KCNJ6: variants seen among roughly 807,000 people sequenced by gnomAD.
KCNJ6 encodes the protein G protein-activated inward rectifier potassium channel 2.
In KCNJ6, 9 loss-of-function variants were observed where a neutral mutation model predicts 34.2. The ratio of observed to expected loss-of-function variants is 0.26; its 90% CI spans 0.16 to 0.46. KCNJ6 has a LOEUF of 0.46. KCNJ6 is among the 20% of genes least tolerant of loss of function. The probability of loss-of-function intolerance (pLI) is 1.00; values close to 1 mark genes in which losing one functional copy is unlikely to be tolerated. For synonymous variants in KCNJ6, 196 were observed against 207.1 expected (o/e 0.95, Z 0.46); for missense variants, 236 against 531.3 (o/e 0.44, Z 5.46).
chr21:37,839,171 T>A (rs1315941560), intron 2 of KCNJ6, among the ~76,000 whole-genome samples: 2 of 152,176 alleles, frequency 1.3e-5, no homozygotes, highest in Non-Finnish European at 2.9e-5. Context: ...ACAACCAGTT[T>A]GGGGTTTTTC....
intron 2 of KCNJ6, among the ~76,000 whole-genome samples, chr21:37,800,556 T>G (rs1339920422): frequency 6.6e-6 from 1 of 152,198 alleles, no homozygotes; most frequent in Non-Finnish European, 1.5e-5. Context: ...AAATCCACAT[T>G]AGTACAATTA....
intron 2 of KCNJ6, among the ~76,000 whole-genome samples, chr21:37,822,258 G>A (rs1467111163): frequency 3.3e-5 from 5 of 152,192 alleles, no homozygotes; most frequent in African/African-American, 9.6e-5. Context: ...AGAGTGGGTC[G>A]TGGTTTGATA....
chr21:37,914,443 G>C (rs1026578378), intron 1 of KCNJ6, among the ~76,000 whole-genome samples: 1 of 152,138 alleles, frequency 6.6e-6, no homozygotes, highest in Non-Finnish European at 1.5e-5. Context: ...AGGTTTCAGG[G>C]GCACCCGGCC....
chr21:37,849,197 A>G (rs1325100420), intron 1 of KCNJ6, among the ~76,000 whole-genome samples: 1 of 152,154 alleles, frequency 6.6e-6, no homozygotes, highest in African/African-American at 2.4e-5. Flanking sequence ...AGATGCACCT[A>G]TTCTAGGTTT....
Position 37,621,601 on chromosome 21 carries a change from G to A in KCNJ6, c.*3558C>T, listed in dbSNP as rs1029880717. ...GAAAAATAGACATTTCAGAGCCCTA[G>A]CTTGGTTAGACCTGCAAGAGAAAAT... On this transcript the variant is annotated 3_prime_UTR_variant, in exon 4 of 4. Transcript: ENST00000609713. The A allele has an allele frequency of 2.0e-5, 3 of 152,216 alleles. No homozygotes were observed. Among genetic ancestry groups the A allele is most frequent in the African/African-American group, 4.8e-5 (2 of 41,454 alleles). 9.4% of individuals were successfully genotyped at this position (152,216 alleles called of 1,614,324 possible).
chr21:37,631,847 T>C (rs1473482967), intron 3 of KCNJ6, among the ~76,000 whole-genome samples: 3 of 152,184 alleles, frequency 2.0e-5, no homozygotes, highest in African/African-American at 7.2e-5. Flanking sequence ...GTGCAGCCTT[T>C]GTCCTCAGCT....
chr21:37,893,988 A>G (rs531173541), intron 1 of KCNJ6, among the ~76,000 whole-genome samples: 1 of 152,302 alleles, frequency 6.6e-6, no homozygotes, highest in South Asian at 2.1e-4. Flanking sequence ...GCCTTCTGCA[A>G]TCTTAACATG....
chr21:37,748,396 A>G (rs1233137586), intron 2 of KCNJ6, among the ~76,000 whole-genome samples: 1 of 152,180 alleles, frequency 6.6e-6, no homozygotes, highest in Non-Finnish European at 1.5e-5. Context: ...TGTTTGGAAC[A>G]GGGTAGGAGT....
chr21:37,856,050 T>C (rs930058623), intron 1 of KCNJ6, among the ~76,000 whole-genome samples: 2 of 152,128 alleles, frequency 1.3e-5, no homozygotes, highest in African/African-American at 4.8e-5. Flanking sequence ...TTATCCTCCC[T>C]GGGACTGGGT....
intron 1 of KCNJ6, among the ~76,000 whole-genome samples, chr21:37,851,020 A>C (rs1195231650): frequency 6.6e-6 from 1 of 152,210 alleles, no homozygotes; most frequent in Non-Finnish European, 1.5e-5. Context: ...GAAAACACAC[A>C]GCCTTTGGGA....
intron 3 of KCNJ6, among the ~76,000 whole-genome samples, chr21:37,692,448 G>A (rs2054644292): frequency 2.0e-5 from 3 of 152,142 alleles, no homozygotes; most frequent in Non-Finnish European, 4.4e-5. Flanking sequence ...GCCAGTCCCA[G>A]CTCCCACACT....
chr21:37,850,672 T>C (rs556026821), intron 1 of KCNJ6, among the ~76,000 whole-genome samples: 47 of 152,188 alleles, frequency 3.1e-4, no homozygotes, highest in Admixed American at 1.4e-3. Flanking sequence ...GCCCAGCAGC[T>C]TGACCCTGTT....
At chr21:37,760,393 A>C (rs1284958998) in intron 2 of KCNJ6, among the ~76,000 whole-genome samples, 2 of 152,206 alleles carry the variant, frequency 1.3e-5, no homozygotes, top group Non-Finnish European at 2.9e-5. Context: ...GTCTGATTCC[A>C]GAGTCCACAC....
At chr21:37,723,153 G>T (rs2054835376) in intron 2 of KCNJ6, among the ~76,000 whole-genome samples, 1 of 152,076 alleles carries the variant, frequency 6.6e-6, no homozygotes, top group Non-Finnish European at 1.5e-5. Flanking sequence ...ACATACAAGT[G>T]GTCAACAAAC....
At chr21:37,718,676 G>C (rs1213790888) in intron 2 of KCNJ6, among the ~76,000 whole-genome samples, 1 of 151,444 alleles carries the variant, frequency 6.6e-6, no homozygotes, top group East Asian at 1.9e-4. Flanking sequence ...GGGGGTGGGG[G>C]ATTGGGGGAG....
Position 37,714,103 on chromosome 21 carries a change from A to G in KCNJ6, c.946+108T>C, listed in dbSNP as rs1050103582. The G allele has an allele frequency of 8.9e-5, 71 of 801,684 alleles. No homozygotes were observed. The African/African-American group carries it at 1.1e-3, about 12-fold the overall frequency. The allele number at this position is 801,684 out of a possible 1,614,324, so 49.7% of individuals were successfully genotyped here. A position where few individuals can be genotyped will look rare whatever the true frequency, so the allele number is the denominator to read the frequency against. ...GTCATGAAGCAAGGGGATGTTGTCA[A>G]TATTGAGTGAGGTTCAGTATTCTAG... is the stretch of plus-strand genomic sequence containing the variant. On this transcript the variant is annotated intron_variant, in intron 3 of 3. Transcript: ENST00000609713. The surrounding 1 kb of genome is among the most constrained non-coding windows in gnomAD (Gnocchi z 5.9).
At chr21:37,775,624 CTG>C (rs2055138433) in intron 2 of KCNJ6, among the ~76,000 whole-genome samples, 1 of 151,968 alleles carries the variant, frequency 6.6e-6, no homozygotes, top group African/African-American at 2.4e-5. Context: ...TCCCCATTTC[CTG>C]TTTTTATCAG....
chr21:37,712,623 C>T lies in KCNJ6; in HGVS notation c.946+1588G>A, dbSNP rs1266212344. Among the ~76,000 whole-genome samples, 16 of 64,526 alleles carry T rather than the reference C, an allele frequency of 2.5e-4. 2 individuals carry two copies. The highest frequency in any genetic ancestry group is 2.0e-3 in the African/African-American group (16 of 7,838). The allele number at this position is 64,526 out of a possible 152,430, so 42.3% of individuals were successfully genotyped here. The stretch of plus-strand genomic sequence containing the variant: ...CCTCCTCCCCTCCTCCTCTCTCCCT[C>T]CTCTTCCCTCCCTCCTCCCCTTCTC... On this transcript the variant is annotated intron_variant, in intron 3 of 3. Coordinates refer to ENST00000609713, the MANE Select transcript of KCNJ6 (RefSeq NM_002240.5).
chr21:37,797,166 T>C (rs1226756327), intron 2 of KCNJ6, among the ~76,000 whole-genome samples: 1 of 152,064 alleles, frequency 6.6e-6, no homozygotes, highest in African/African-American at 2.4e-5. Context: ...TGGGTTCAAG[T>C]GATTCTCTTG....
Sources: allele counts gnomAD v4.1 joint callset (sites outside exome capture counted in the v4.1 genomes callset), GRCh38; gene constraint gnomAD v4.1.1; non-coding constraint Gnocchi (gnomAD v3.1); transcripts MANE v1.5; gene names NCBI Gene and HGNC (gene_info 2026-07-23, HGNC 2026-07-21).